The following SYN3 variants were observed in gnomAD, a reference collection of about 807,000 sequenced individuals.
SYN3 encodes the protein synapsin III.
SYN3 carries 35 observed loss-of-function variants against 65.8 expected under a neutral mutation model. The observed-to-expected ratio is 0.53, with a 90% confidence interval of 0.41 to 0.70. SYN3 has a LOEUF of 0.70. Among genes scored for constraint, SYN3 ranks in the 30% least tolerant of loss-of-function variants. The pLI is 0.00. For synonymous variants in SYN3, 270 were observed against 292.9 expected (o/e 0.92, Z 0.80); for missense variants, 680 against 749.0 (o/e 0.91, Z 1.08).
chr22:32,838,645 G>A (rs556479507), intron 6 of SYN3, among the ~76,000 whole-genome samples: 12 of 152,102 alleles, frequency 7.9e-5, no homozygotes, highest in African/African-American at 2.2e-4. Flanking sequence ...GAACAATGTC[G>A]GTATTCGGCC....
intron 1 of SYN3, among the ~76,000 whole-genome samples, chr22:33,047,795 C>T (rs1036101242): frequency 6.7e-6 from 1 of 149,364 alleles, no homozygotes; most frequent in African/African-American, 2.5e-5. Flanking sequence ...AGGTTCCTGG[C>T]ACTCTGAGGG....
At chr22:32,802,161 A>T in intron 6 of SYN3, 1 of 1,562,402 alleles carries the variant, frequency 6.4e-7, no homozygotes, top group Non-Finnish European at 8.6e-7. Flanking sequence ...CCCACGCTGC[A>T]GCCAGGACTG....
intron 6 of SYN3, among the ~76,000 whole-genome samples, chr22:32,780,068 C>CAAAAAAAAAAAAAAAAAAAAA: frequency 1.4e-5 from 1 of 72,592 alleles, no homozygotes; most frequent in Middle Eastern, 8.8e-3. Context: ...GATTCTGTCT[C>CAAAAAAAAAAAAAAAAAAAAA]AAAAAAAAAA....
intron 6 of SYN3, among the ~76,000 whole-genome samples, chr22:32,742,639 G>GT (rs2044809573): frequency 6.6e-6 from 1 of 152,170 alleles, no homozygotes; most frequent in Non-Finnish European, 1.5e-5. Flanking sequence ...AGGTCACCCA[G>GT]TGAGGAAGCA....
Position 32,562,061 on chromosome 22 carries a change from C to T in SYN3, c.775-20348G>A, listed in dbSNP as rs532801831. Among the ~76,000 whole-genome samples, 4 of 152,274 alleles carry T rather than the reference C, an allele frequency of 2.6e-5. No individual in the cohort carries two copies. In the South Asian group the frequency reaches 8.3e-4, roughly 32 times the overall value. ...AGCCAAGCATGAGGTGGGTTGAATTCTTCTTCCAATCCGAGATCCAATGAT... is the reference window on the plus strand; with the variant it reads ...AGCCAAGCATGAGGTGGGTTGAATTTTTCTTCCAATCCGAGATCCAATGAT... On this transcript the variant is annotated intron_variant, in intron 7 of 13. Coordinates refer to ENST00000358763, the MANE Select transcript of SYN3 (RefSeq NM_003490.4).
chr22:32,770,827 T>C (rs1397921472), intron 6 of SYN3, among the ~76,000 whole-genome samples: 2 of 120,138 alleles, frequency 1.7e-5, no homozygotes, highest in Non-Finnish European at 3.4e-5. Flanking sequence ...TTACTCGATA[T>C]GTAGCACACG....
At chr22:32,878,809 A>G (rs1329988106) in intron 4 of SYN3, among the ~76,000 whole-genome samples, 1 of 152,168 alleles carries the variant, frequency 6.6e-6, no homozygotes, top group Non-Finnish European at 1.5e-5. Context: ...AGCTAATGGA[A>G]GCCTCTGTGG....
chr22:32,533,721 G>T, intron 10 of SYN3, 72 bp downstream of exon 10: 2 of 1,054,598 alleles, frequency 1.9e-6, no homozygotes, highest in Non-Finnish European at 2.9e-6. Flanking sequence ...CAAAGACCAT[G>T]CAGGGATTCC....
intron 4 of SYN3, among the ~76,000 whole-genome samples, chr22:32,870,419 C>T (rs917317568): frequency 2.0e-5 from 3 of 152,098 alleles, no homozygotes; most frequent in Admixed American, 2.0e-4. Context: ...AATTTCTACA[C>T]AATAGTTCAC....
At chr22:32,794,256 C>T (rs768222825) in intron 6 of SYN3, among the ~76,000 whole-genome samples, 1 of 152,238 alleles carries the variant, frequency 6.6e-6, no homozygotes, top group Non-Finnish European at 1.5e-5. Flanking sequence ...TGAGGAGAAA[C>T]TAGCTTCATA....
At chr22:32,647,744 G>A (rs2060004534) in intron 6 of SYN3, among the ~76,000 whole-genome samples, 1 of 152,164 alleles carries the variant, frequency 6.6e-6, no homozygotes, top group African/African-American at 2.4e-5. Context: ...GAGTAGCTGG[G>A]ATTACAGGTG....
At chr22:32,773,025 T>C (rs2045814731) in intron 6 of SYN3, among the ~76,000 whole-genome samples, 1 of 152,224 alleles carries the variant, frequency 6.6e-6, no homozygotes, top group Non-Finnish European at 1.5e-5. Flanking sequence ...TCAACTCTGA[T>C]GTTGCCATGT....
chr22:32,829,716 C>T (rs2047520085), intron 6 of SYN3, among the ~76,000 whole-genome samples: 1 of 152,246 alleles, frequency 6.6e-6, no homozygotes. Flanking sequence ...GGCAGGCCTG[C>T]CAACTCCATA....
chr22:32,949,088 C>G (rs1163866280), intron 3 of SYN3, among the ~76,000 whole-genome samples: 1 of 152,124 alleles, frequency 6.6e-6, no homozygotes, highest in African/African-American at 2.4e-5. Flanking sequence ...CTCCAGTGAG[C>G]ATTTCCTTTG....
intron 6 of SYN3, among the ~76,000 whole-genome samples, chr22:32,693,748 T>C (rs1175530051): frequency 3.3e-5 from 5 of 151,906 alleles, no homozygotes; most frequent in African/African-American, 7.3e-5. Context: ...TGAGCCACCA[T>C]GCCCAGCTAA....
chr22:33,051,375 A>G (rs2054162270), intron 1 of SYN3, among the ~76,000 whole-genome samples: 1 of 152,156 alleles, frequency 6.6e-6, no homozygotes, highest in African/African-American at 2.4e-5. Context: ...GGATTTCTTG[A>G]ATTACTTATG....
chr22:32,988,901 G>T (rs9621615), intron 2 of SYN3, among the ~76,000 whole-genome samples: 8,114 of 152,218 alleles, frequency 0.053, 703 homozygotes, highest in African/African-American at 0.18. Flanking sequence ...CAGAGCAGAA[G>T]ACCTGGGTTT....
At chr22:32,874,201 G>T (rs188331198) in intron 4 of SYN3, among the ~76,000 whole-genome samples, 3 of 152,094 alleles carry the variant, frequency 2.0e-5, no homozygotes, top group Non-Finnish European at 4.4e-5. Flanking sequence ...TCTTCCTGCC[G>T]TAGAGCCCCA....
intron 6 of SYN3, among the ~76,000 whole-genome samples, chr22:32,814,131 TGTGTGTGTGTGAGAGA>T (rs746326703): frequency 4.8e-4 from 65 of 134,656 alleles, no homozygotes; most frequent in Non-Finnish European, 8.9e-4. Context: ...TGTGTGTGTG[TGTGTGTGTGTGAGAGA>T]GAGAGAGAGA....
Sources: gnomAD v4.1 joint callset for allele counts (sites outside exome capture counted in the v4.1 genomes callset) on GRCh38, gnomAD v4.1.1 for gene constraint, MANE v1.5 for transcripts, NCBI Gene and HGNC (gene_info 2026-07-23, HGNC 2026-07-21) for gene names.